Variants in SEC22C observed in about 807,000 individuals in gnomAD.
The protein encoded by SEC22C is SEC22 homolog C, vesicle trafficking protein, also known as vesicle-trafficking protein SEC22c.
Under a neutral mutation model 34.7 loss-of-function variants are expected in SEC22C, and 29 were observed. The ratio of observed to expected loss-of-function variants is 0.84; its 90% confidence interval spans 0.62 to 1.14. The LOEUF (loss-of-function observed/expected upper bound fraction) is 1.14, where lower values mean the gene tolerates loss of function less well. SEC22C is among the 50% of genes most tolerant of loss of function. The pLI, the probability that SEC22C is intolerant of heterozygous loss-of-function variation, is 0.00. For missense variants in SEC22C, 337 were observed against 369.0 expected (o/e 0.91, Z 0.71); for synonymous variants, 117 against 132.8 (o/e 0.88, Z 0.82).
intron 6 of SEC22C, among the ~76,000 whole-genome samples, chr3:42,554,347 G>T (rs13066173): frequency 0.27 from 40,667 of 151,938 alleles, 6,141 homozygotes; most frequent in East Asian, 0.47. Context: ...ATCAGGTAAT[G>T]CTTTTTCATT....
chr3:42,574,365 A>C (rs1413327605), intron 1 of SEC22C, among the ~76,000 whole-genome samples: 1 of 81,426 alleles, frequency 1.2e-5, no homozygotes. Flanking sequence ...CCCTGTCTCA[A>C]AAAAAAAAAA....
exon 1 of SEC22C, chr3:42,600,977 C>G: frequency 6.5e-7 from 1 of 1,529,766 alleles, no homozygotes; most frequent in Non-Finnish European, 8.8e-7. Flanking sequence ...CTCCCCCTCT[C>G]TCCCAGCTCT....
In SEC22C at chr3:42,550,269, T is replaced by G. The variant is rs1485278696; in HGVS notation, c.*2979A>C. On this transcript the variant is annotated 3_prime_UTR_variant, in exon 7 of 7. Coordinates refer to ENST00000264454, the MANE Select transcript of SEC22C (RefSeq NM_032970.4). ...ACATTATTTCATCTATTCCCAGATC[T>G]AGTCCAGTGATGTCAGCTGCACAGG... 2.0e-6 allele frequency: 2 copies of G among 985,354 alleles called. No individual in the cohort carries two copies. The highest frequency in any genetic ancestry group is 3.5e-5 in the African/African-American group (2 of 57,252). The allele number at this position is 985,354 out of a possible 1,614,324, so 61.0% of individuals were successfully genotyped here. A position where few individuals can be genotyped will look rare whatever the true frequency, so the allele number is the denominator to read the frequency against.
upstream of SEC22C, among the ~76,000 whole-genome samples, chr3:42,583,655 G>T (rs527254733): frequency 1.2e-4 from 18 of 152,298 alleles, no homozygotes; most frequent in African/African-American, 4.3e-4. Context: ...GTTCCCAGAA[G>T]ATATTGGCAT....
At chr3:42,574,543 G>C (rs898606817) in intron 1 of SEC22C, among the ~76,000 whole-genome samples, 1 of 152,074 alleles carries the variant, frequency 6.6e-6, no homozygotes, top group Non-Finnish European at 1.5e-5. Flanking sequence ...AAATATGACA[G>C]ATTATTCTCT....
chr3:42,564,799 C>G (rs1413639528), intron 2 of SEC22C, among the ~76,000 whole-genome samples: 1 of 152,178 alleles, frequency 6.6e-6, no homozygotes, highest in African/African-American at 2.4e-5. Context: ...ACTCTGTCAT[C>G]CATGCTAGAG....
rs890281730 is a variant in SEC22C at position 42,551,292 on chromosome 3, T to C, written c.*1956A>G. 1 of 985,416 alleles carries C rather than the reference T, an allele frequency of 1.0e-6. No individual in the cohort carries two copies. Among genetic ancestry groups the C allele is most frequent in the Non-Finnish European group, 1.2e-6 (1 of 829,942 alleles). The allele number at this position is 985,416 out of a possible 1,614,324, so 61.0% of individuals were successfully genotyped here. A position where few individuals can be genotyped will look rare whatever the true frequency, so the allele number is the denominator to read the frequency against. Reference sequence around the variant, plus strand: ...GAAAATTATGCAGATGTGAAATCAGTGTAGAGACAACTTTGGAGTTTATGT... The same window carrying C: ...GAAAATTATGCAGATGTGAAATCAGCGTAGAGACAACTTTGGAGTTTATGT... On this transcript the variant is annotated 3_prime_UTR_variant, in exon 7 of 7. Transcript: ENST00000264454.
At chr3:42,566,788 G>A in intron 2 of SEC22C, 1 of 396,216 alleles carries the variant, frequency 2.5e-6, no homozygotes, top group South Asian at 1.9e-5. Context: ...AGGATCACTT[G>A]AGCCTAGGAG....
chr3:42,600,692 G>A (rs1577388508), intron 1 of SEC22C: 1 of 228,636 alleles, frequency 4.4e-6, no homozygotes, highest in Non-Finnish European at 8.5e-6. Flanking sequence ...AGGAGACGGC[G>A]TTCCGTTAGC....
intron 1 of SEC22C, chr3:42,600,946 GC>G: frequency 8.6e-7 from 1 of 1,159,166 alleles, no homozygotes. Flanking sequence ...CCCCGCCCTC[GC>G]CCCTGCCCTG....
At chr3:42,600,539 C>CACGCCCCCGTGCGT (rs72319383) in intron 1 of SEC22C, 88 of 151,810 alleles carry the variant, frequency 5.8e-4, no homozygotes, top group African/African-American at 7.5e-4. Context: ...GCTCCCCAGA[C>CACGCCCCCGTGCGT]ACGCCCCCGT....
chr3:42,577,428 CA>C (rs1704036945), intron 1 of SEC22C, among the ~76,000 whole-genome samples: 1 of 152,054 alleles, frequency 6.6e-6, no homozygotes. Context: ...TGAAAAAACA[CA>C]AACAATCCAA....
At chr3:42,578,496 C>T (rs748235394) in intron 1 of SEC22C, among the ~76,000 whole-genome samples, 4 of 150,758 alleles carry the variant, frequency 2.7e-5, no homozygotes, top group Non-Finnish European at 5.9e-5. Context: ...ATCTTGATTG[C>T]GGTGATGATT....
At chr3:42,570,112 C>T (rs1411065360) in intron 1 of SEC22C, among the ~76,000 whole-genome samples, 2 of 152,170 alleles carry the variant, frequency 1.3e-5, no homozygotes, top group Non-Finnish European at 2.9e-5. Context: ...TACCAGTGGA[C>T]CTCTCTTCCA....
chr3:42,576,185 TTG>T (rs1173796239), intron 1 of SEC22C, among the ~76,000 whole-genome samples: 1 of 151,500 alleles, frequency 6.6e-6, no homozygotes, highest in Non-Finnish European at 1.5e-5. Context: ...ATATCAAAAT[TTG>T]TGTCACACAG....
chr3:42,599,302 TAAAA>T (rs1279771537), intron 1 of SEC22C, among the ~76,000 whole-genome samples: 11 of 151,514 alleles, frequency 7.3e-5, no homozygotes, highest in Admixed American at 2.0e-4. Context: ...AAAAAACTTA[TAAAA>T]TAGTGTGGTA....
In SEC22C at chr3:42,550,873, T is replaced by C; in HGVS notation, c.*2375A>G. On this transcript the variant is annotated 3_prime_UTR_variant, in exon 7 of 7. Coordinates refer to ENST00000264454, the MANE Select transcript of SEC22C (RefSeq NM_032970.4). ...TTTTAAGCCGTTCTTACCGACTTTT[T>C]TTTTTTTTTTTTTTGAGACGGAGTC... is the stretch of plus-strand genomic sequence containing the variant. 1.1e-6 allele frequency: 1 copy of C among 942,768 alleles called. No homozygotes were observed. The highest frequency in any genetic ancestry group is 4.9e-5 in the South Asian group (1 of 20,312). 58.4% of individuals were successfully genotyped at this position (942,768 alleles called of 1,614,324 possible).
intron 2 of SEC22C, among the ~76,000 whole-genome samples, chr3:42,567,533 T>C (rs1577325820): frequency 6.6e-6 from 1 of 152,320 alleles, no homozygotes; most frequent in South Asian, 2.1e-4. Flanking sequence ...GTAACACTAT[T>C]ACCTACATCA....
Position 42,548,939 on chromosome 3 carries a change from A to G in SEC22C, c.*4309T>C, listed in dbSNP as rs997732924. ...CCCTCCACTACCACTTTTGACCCTC[A>G]TAACAGCACCCTGGCGGGGGGGCAG... On this transcript the variant is annotated 3_prime_UTR_variant, in exon 7 of 7. Transcript: ENST00000264454. 31 of 1,226,146 alleles carry G rather than the reference A, an allele frequency of 2.5e-5. No homozygotes were observed. Among genetic ancestry groups the G allele is most frequent in the Non-Finnish European group, 3.1e-5 (30 of 976,296 alleles). The allele number at this position is 1,226,146 out of a possible 1,614,324, so 76.0% of individuals were successfully genotyped here.
Sources: gnomAD v4.1 joint callset for allele counts (sites outside exome capture counted in the v4.1 genomes callset) on GRCh38, gnomAD v4.1.1 for gene constraint, MANE v1.5 for transcripts, NCBI Gene and HGNC (gene_info 2026-07-23, HGNC 2026-07-21) for gene names.